Variants in ZNF804A observed in about 807,000 individuals in gnomAD.
ZNF804A encodes zinc finger protein 804A.
ZNF804A carries 2 observed loss-of-function variants against 16.5 expected under a neutral mutation model. The ratio of observed to expected loss-of-function variants is 0.12; its 90% confidence interval spans 0.05 to 0.38. The LOEUF (loss-of-function observed/expected upper bound fraction) is 0.38, where lower values mean the gene tolerates loss of function less well. Ranked by LOEUF, ZNF804A falls within the 10% of genes least tolerant of loss-of-function variation. ZNF804A has a pLI of 0.99. For synonymous variants in ZNF804A, 534 were observed against 489.6 expected, an observed-to-expected ratio of 1.09 and a Z score of -1.20; for missense variants, 1,473 against 1,390.7, an observed-to-expected ratio of 1.06 and a Z score of -0.94.
chr2:184,860,202 T>C (rs1695776929), intron 1 of ZNF804A, among the ~76,000 whole-genome samples: 1 of 152,194 alleles, frequency 6.6e-6, no homozygotes, highest in Admixed American at 6.5e-5. Context: ...CTTTATCTGC[T>C]GATGCTGGCC....
chr2:184,613,625 A>G (rs997969730), intron 1 of ZNF804A, among the ~76,000 whole-genome samples: 1 of 152,132 alleles, frequency 6.6e-6, no homozygotes, highest in African/African-American at 2.4e-5. Flanking sequence ...GAAATTAATT[A>G]ATTCTTCTAA....
chr2:184,845,847 C>A (rs539892436), intron 1 of ZNF804A, among the ~76,000 whole-genome samples: 67 of 152,128 alleles, frequency 4.4e-4, no homozygotes, highest in Non-Finnish European at 6.0e-4. Context: ...GTATATTGGG[C>A]CACGGTCAGC....
At chr2:184,826,885 C>CGG in intron 1 of ZNF804A, among the ~76,000 whole-genome samples, 1 of 151,816 alleles carries the variant, frequency 6.6e-6, no homozygotes, top group Non-Finnish European at 1.5e-5. Context: ...CAGTTAAGTC[C>CGG]CCATTGTCAA....
intron 1 of ZNF804A, among the ~76,000 whole-genome samples, chr2:184,706,385 C>T (rs1239275764): frequency 1.3e-5 from 2 of 152,290 alleles, no homozygotes; most frequent in African/African-American, 4.8e-5. Context: ...GGGAACTCCT[C>T]ATGAGGTGAT....
intron 1 of ZNF804A, among the ~76,000 whole-genome samples, chr2:184,760,320 A>T (rs963697853): frequency 1.3e-5 from 2 of 152,176 alleles, no homozygotes; most frequent in African/African-American, 2.4e-5. Context: ...ATGGAGACAT[A>T]GTTATGTAAT....
intron 1 of ZNF804A, among the ~76,000 whole-genome samples, chr2:184,698,790 G>A (rs1692875556): frequency 6.6e-6 from 1 of 152,174 alleles, no homozygotes; most frequent in East Asian, 1.9e-4. Context: ...GAAGTTCTAA[G>A]TGTCACATCC....
Position 184,939,146 on chromosome 2 carries a change from T to C in ZNF804A, c.*120T>C. On this transcript the variant is annotated 3_prime_UTR_variant, in exon 4 of 4. Transcript: ENST00000302277. ...GAAATAAACTGGCCGATACATGGCG[T>C]CATTGGTTTGAAATCATTTACTGTA... The C allele has an allele frequency of 1.5e-6, 2 of 1,294,074 alleles. No individual in the cohort carries two copies. Among genetic ancestry groups the C allele is most frequent in the Non-Finnish European group, 2.1e-6 (2 of 943,836 alleles). 80.2% of individuals were successfully genotyped at this position (1,294,074 alleles called of 1,614,324 possible). A position where few individuals can be genotyped will look rare whatever the true frequency, so the allele number is the denominator to read the frequency against.
chr2:184,788,015 T>G (rs569360451), intron 1 of ZNF804A, among the ~76,000 whole-genome samples: 1 of 152,080 alleles, frequency 6.6e-6, no homozygotes, highest in African/African-American at 2.4e-5. Context: ...AATTAATTTT[T>G]GTACATAATG....
chr2:184,734,194 A>G (rs1007697442), intron 1 of ZNF804A, among the ~76,000 whole-genome samples: 1 of 152,138 alleles, frequency 6.6e-6, no homozygotes, highest in African/African-American at 2.4e-5. Flanking sequence ...CTCCTGCCTC[A>G]GTAACTAGGA....
At chr2:184,776,831 G>C (rs1694291510) in intron 1 of ZNF804A, among the ~76,000 whole-genome samples, 1 of 151,490 alleles carries the variant, frequency 6.6e-6, no homozygotes, top group African/African-American at 2.4e-5. Context: ...AGACTGGTTT[G>C]AACATCTCAC....
At chr2:184,605,370 A>G (rs1344305323) in intron 1 of ZNF804A, among the ~76,000 whole-genome samples, 1 of 152,058 alleles carries the variant, frequency 6.6e-6, no homozygotes, top group Non-Finnish European at 1.5e-5. Flanking sequence ...TTTAACCTAA[A>G]CCATTTGATC....
At chr2:184,754,326 C>T (rs761220072) in intron 1 of ZNF804A, among the ~76,000 whole-genome samples, 23 of 151,860 alleles carry the variant, frequency 1.5e-4, no homozygotes, top group Non-Finnish European at 3.2e-4. Context: ...TATGTGAAAA[C>T]ATTTGGGGTT....
intron 1 of ZNF804A, among the ~76,000 whole-genome samples, chr2:184,736,638 C>A (rs1263574390): frequency 6.6e-6 from 1 of 151,978 alleles, no homozygotes; most frequent in Admixed American, 6.5e-5. Flanking sequence ...TGCAGCAAAC[C>A]ACCACGGCAC....
intron 1 of ZNF804A, among the ~76,000 whole-genome samples, chr2:184,803,873 G>A (rs2105783791): frequency 6.6e-6 from 1 of 151,354 alleles, no homozygotes; most frequent in Non-Finnish European, 1.5e-5. Context: ...TTTTTGGGGG[G>A]GAGGGGGGTG....
At chr2:184,806,312 G>T (rs1232766301) in intron 1 of ZNF804A, among the ~76,000 whole-genome samples, 1 of 151,772 alleles carries the variant, frequency 6.6e-6, no homozygotes, top group South Asian at 2.1e-4. Context: ...TTTCTTTATT[G>T]GGGATCAATA....
At chr2:184,748,226 A>T (rs141309707) in intron 1 of ZNF804A, among the ~76,000 whole-genome samples, 102 of 150,666 alleles carry the variant, frequency 6.8e-4, no homozygotes, top group African/African-American at 2.4e-3. Context: ...GGCTAAACTA[A>T]TTTACATTCC....
At chr2:184,771,110 G>T (rs979932976) in intron 1 of ZNF804A, among the ~76,000 whole-genome samples, 3 of 151,946 alleles carry the variant, frequency 2.0e-5, no homozygotes, top group African/African-American at 7.2e-5. Context: ...ACACACAAAA[G>T]AAATTACTCT....
rs535561595 is a variant in ZNF804A, at chr2:184,842,308, T to C, written c.112-24061T>C. ...GCTGATGAGAGGGACAGCATGTCTC[T>C]ATATATTGTTCCTCTTATTATGGAA... is the stretch of plus-strand genomic sequence containing the variant. On this transcript the variant is annotated intron_variant, in intron 1 of 3. Transcript: ENST00000302277. 7.9e-5 allele frequency among the ~76,000 whole-genome samples: 12 copies of C among 152,262 alleles called. No homozygotes were observed. The South Asian group carries it at 2.5e-3, about 32-fold the overall frequency.
intron 2 of ZNF804A, among the ~76,000 whole-genome samples, chr2:184,871,901 T>C (rs1695982024): frequency 6.6e-6 from 1 of 152,036 alleles, no homozygotes; most frequent in African/African-American, 2.4e-5. Flanking sequence ...AAATCTTATA[T>C]GTATCCAGAG....
Sources: allele counts gnomAD v4.1 joint callset (sites outside exome capture counted in the v4.1 genomes callset), GRCh38; gene constraint gnomAD v4.1.1; transcripts MANE v1.5; gene names NCBI Gene and HGNC (gene_info 2026-07-23, HGNC 2026-07-21).